Variants in OXR1 observed in about 807,000 individuals in gnomAD.
The protein encoded by OXR1 is oxidation resistance protein 1.
In OXR1, 41 loss-of-function variants were observed where a neutral mutation model predicts 104.6. The observed-to-expected ratio is 0.39, with a 90% CI of 0.31 to 0.51. The LOEUF (loss-of-function observed/expected upper bound fraction) is 0.51. OXR1 is among the 20% of genes least tolerant of loss of function. The pLI, the probability that OXR1 is intolerant of heterozygous loss-of-function variation, is 0.77. For synonymous variants in OXR1, 348 were observed against 348.4 expected, an observed-to-expected ratio of 1.00 and a Z score of 0.01; for missense variants, 955 against 1,031.9, an observed-to-expected ratio of 0.93 and a Z score of 1.02.
chr8:106,743,223 A>G lies in OXR1; in HGVS notation c.2412+906A>G, dbSNP rs113488111. Among the ~76,000 whole-genome samples the G allele has an allele frequency of 3.4e-3, 511 of 152,334 alleles. 3 individuals carry two copies. The highest frequency in any genetic ancestry group is 0.012 in the African/African-American group (490 of 41,572). On this transcript the variant is annotated intron_variant, in intron 15 of 16. Coordinates refer to ENST00000517566, the MANE Select transcript of OXR1 (RefSeq NM_001198533.2). ...TAGAGAAATGCATATCAAAACCACAATGAGGTACCATCTCACTCCAGTCAG... is the reference window on the plus strand; with the variant it reads ...TAGAGAAATGCATATCAAAACCACAGTGAGGTACCATCTCACTCCAGTCAG...
At chr8:106,487,498 G>A (rs1307215865) in intron 2 of OXR1, among the ~76,000 whole-genome samples, 1 of 151,484 alleles carries the variant, frequency 6.6e-6, no homozygotes, top group Non-Finnish European at 1.5e-5. Flanking sequence ...ATGTATACAT[G>A]TGCCATGCTG....
chr8:106,646,397 C>T (rs113273836), intron 3 of OXR1, among the ~76,000 whole-genome samples: 4,229 of 152,146 alleles, frequency 0.028, 203 homozygotes, highest in African/African-American at 0.097. Context: ...CATGAGCCAC[C>T]GCGCTTGGCC....
intron 3 of OXR1, among the ~76,000 whole-genome samples, chr8:106,619,889 C>A (rs1055405715): frequency 6.6e-6 from 1 of 152,082 alleles, no homozygotes; most frequent in Non-Finnish European, 1.5e-5. Flanking sequence ...CTTCTTACCC[C>A]TCCCCAGCCC....
intron 11 of OXR1, chr8:106,726,117 C>G (rs1254022500): frequency 1.4e-6 from 2 of 1,392,334 alleles, no homozygotes; most frequent in East Asian, 5.5e-5. Flanking sequence ...AAATCTTTGT[C>G]TCTAGCAAAC....
intron 2 of OXR1, among the ~76,000 whole-genome samples, chr8:106,515,719 TA>T (rs1329846627): frequency 6.6e-5 from 10 of 152,294 alleles, no homozygotes; most frequent in African/African-American, 2.4e-4. Flanking sequence ...AGTACTTCTG[TA>T]GCTTTTAGCT....
chr8:106,646,071 AT>A (rs1388407599), intron 3 of OXR1, among the ~76,000 whole-genome samples: 1 of 151,478 alleles, frequency 6.6e-6, no homozygotes, highest in African/African-American at 2.4e-5. Flanking sequence ...TTCCAATATT[AT>A]TTTGCCTGTT....
At chr8:106,436,884 C>A (rs370140894) in intron 2 of OXR1, among the ~76,000 whole-genome samples, 15 of 152,210 alleles carry the variant, frequency 9.9e-5, no homozygotes, top group African/African-American at 3.1e-4. Flanking sequence ...AATACATGCT[C>A]CCCCTGGGGC....
At chr8:106,334,974 A>C (rs528820216) in intron 1 of OXR1, among the ~76,000 whole-genome samples, 20 of 151,680 alleles carry the variant, frequency 1.3e-4, no homozygotes, top group African/African-American at 4.8e-4. Flanking sequence ...ACATCCTATT[A>C]CCTCCCCTGC....
At chr8:106,664,709 T>A (rs151166906) in intron 3 of OXR1, among the ~76,000 whole-genome samples, 1 of 152,340 alleles carries the variant, frequency 6.6e-6, no homozygotes, top group African/African-American at 2.4e-5. Flanking sequence ...CACTGGAATG[T>A]TTAAGAACTT....
Position 106,379,579 on chromosome 8 carries a change from C to A in OXR1, c.23+19943C>A, listed in dbSNP as rs1350263409. ...TTTGAGACAGAGTCTCTCTCTGTCA[C>A]CCCGACTAGAGGGCAGTAGTGCTAT... On this transcript the variant is annotated intron_variant, in intron 2 of 16. Transcript: ENST00000517566. Among the ~76,000 whole-genome samples the A allele has an allele frequency of 2.2e-5, 3 of 134,570 alleles. No homozygotes were observed. The Admixed American group carries it at 2.5e-4, about 11-fold the overall frequency. 88.3% of individuals were successfully genotyped at this position (134,570 alleles called of 152,430 possible).
chr8:106,297,006 A>T (rs1221203365), intron 1 of OXR1, among the ~76,000 whole-genome samples: 4 of 152,178 alleles, frequency 2.6e-5, no homozygotes, highest in African/African-American at 9.7e-5. Flanking sequence ...GCTACTCAAC[A>T]TTATCACTGC....
intron 2 of OXR1, among the ~76,000 whole-genome samples, chr8:106,361,630 A>T (rs1337997110): frequency 6.6e-6 from 1 of 152,154 alleles, no homozygotes; most frequent in African/African-American, 2.4e-5. Flanking sequence ...AACCTTTGTA[A>T]TTCTTCTATA....
chr8:106,504,977 A>G (rs1812061451), intron 2 of OXR1, among the ~76,000 whole-genome samples: 2 of 152,252 alleles, frequency 1.3e-5, no homozygotes, highest in Admixed American at 6.5e-5. Context: ...AATGCTCATT[A>G]GCACAATACC....
At chr8:106,517,686 A>T (rs1261801409) in intron 2 of OXR1, among the ~76,000 whole-genome samples, 1 of 152,156 alleles carries the variant, frequency 6.6e-6, no homozygotes, top group Non-Finnish European at 1.5e-5. Context: ...TATAATTTGT[A>T]TTCCTCAGGA....
chr8:106,451,580 T>C (rs10111145), intron 2 of OXR1, among the ~76,000 whole-genome samples: 8,533 of 152,252 alleles, frequency 0.056, 859 homozygotes, highest in African/African-American at 0.2. Flanking sequence ...TTCTTTCAAA[T>C]ATTAGTTTTG....
chr8:106,704,267 G>T (rs1282650757), intron 8 of OXR1, among the ~76,000 whole-genome samples: 2 of 151,898 alleles, frequency 1.3e-5, no homozygotes, highest in African/African-American at 2.4e-5. Flanking sequence ...AAAGGTAAAA[G>T]AGTGAAGGAT....
intron 1 of OXR1, among the ~76,000 whole-genome samples, chr8:106,287,750 T>G (rs1812559931): frequency 6.6e-6 from 1 of 152,232 alleles, no homozygotes; most frequent in African/African-American, 2.4e-5. Context: ...AACTATTGCC[T>G]TGGTGACAAT....
chr8:106,507,045 G>C (rs1199267188), intron 2 of OXR1, among the ~76,000 whole-genome samples: 2 of 152,158 alleles, frequency 1.3e-5, no homozygotes, highest in South Asian at 2.1e-4. Flanking sequence ...AGCTATAACA[G>C]CTGCCCTCCA....
chr8:106,352,638 T>C (rs1815777995), intron 1 of OXR1, among the ~76,000 whole-genome samples: 1 of 152,214 alleles, frequency 6.6e-6, no homozygotes, highest in South Asian at 2.1e-4. Context: ...TCTAAAATCC[T>C]GAATAGGAAT....
Sources: gnomAD v4.1 joint callset for allele counts (sites outside exome capture counted in the v4.1 genomes callset) on GRCh38, gnomAD v4.1.1 for gene constraint, MANE v1.5 for transcripts, NCBI Gene and HGNC (gene_info 2026-07-23, HGNC 2026-07-21) for gene names.